FLNC: variants seen among roughly 807,000 people sequenced by gnomAD.
FLNC encodes filamin C, also known as filamin-C.
In FLNC, 91 loss-of-function variants were observed where a neutral mutation model predicts 254.3. The ratio of observed to expected loss-of-function variants is 0.36; its 90% CI spans 0.30 to 0.43. The LOEUF (loss-of-function observed/expected upper bound fraction) is 0.43. FLNC is among the 20% of genes least tolerant of loss of function. FLNC has a pLI of 1.00. For synonymous variants in FLNC, 1,430 were observed against 1,577.2 expected (o/e 0.91, Z 2.21); for missense variants, 2,853 against 3,802.6 (o/e 0.75, Z 6.57).
chr7:128,839,911 G>A (rs955407798), intron 8 of FLNC, 112 bp from the exon 9 acceptor site: 25 of 1,380,376 alleles, frequency 1.8e-5, no homozygotes, highest in Non-Finnish European at 2.2e-5. Context: ...GAGCAGGGCC[G>A]TGGGCCACTG....
chr7:128,850,597 C>A, intron 32 of FLNC, 114 bp downstream of exon 32: 2 of 1,198,364 alleles, frequency 1.7e-6, no homozygotes, highest in Non-Finnish European at 2.5e-6. Context: ...TGAGCTCTAC[C>A]CAGGGTCACA....
intron 30 of FLNC, 104 bp downstream of exon 30, chr7:128,849,682 C>T: frequency 6.9e-7 from 1 of 1,439,674 alleles, no homozygotes; most frequent in Admixed American, 1.7e-5. Context: ...AATCCCACTT[C>T]TCTGAGGGCT....
At chr7:128,853,352 G>A (rs1235451015) in intron 37 of FLNC, 117 bp from the exon 38 acceptor site, 1 of 1,322,748 alleles carries the variant, frequency 7.6e-7, no homozygotes, top group African/African-American at 1.5e-5. Flanking sequence ...ATTTTTGTTA[G>A]TGGTCACTAC....
chr7:128,845,872 AGGG>A, intron 21 of FLNC, 115 bp from the exon 22 acceptor site: 2 of 687,932 alleles, frequency 2.9e-6, no homozygotes, highest in African/African-American at 6.5e-5. Flanking sequence ...GGGTGAGAGG[AGGG>A]GAAGAGGAGG....
At position 128,846,885 on chromosome 7, in the gene FLNC, T is replaced by C. The variant is rs1808590567; in HGVS notation, c.4268T>C (p.Phe1423Ser). The part of the protein sequence containing the change: ...TPGDYDVNIT[F>S]GGRPIPGSPF... ...GGAGACTATGACGTCAACATCACCT[T>C]CGGGGGGCGGCCCATCCCAGGTGTG... is the stretch of plus-strand genomic sequence containing the variant. Residue 1423 changes from phenylalanine to serine, a missense_variant, in exon 24 of 48, where the codon TTC (phenylalanine) becomes TCC (serine). By Grantham distance (155) the Phe-to-Ser change is radical. Around this residue, in one of 10 missense-constraint regions of FLNC, gnomAD observed 1,573 missense variants for 1,883.5 expected, o/e 0.84. Transcript: ENST00000325888. 1 of 1,614,042 alleles carries C rather than the reference T, an allele frequency of 6.2e-7. No individual in the cohort carries two copies. Among genetic ancestry groups the C allele is most frequent in the Admixed American group, 1.7e-5 (1 of 59,996 alleles).
At chr7:128,832,873 C>T (rs1286718831) in intron 1 of FLNC, among the ~76,000 whole-genome samples, 1 of 152,186 alleles carries the variant, frequency 6.6e-6, no homozygotes, top group Non-Finnish European at 1.5e-5. Context: ...AGGGGCTGCC[C>T]ACGAGGCAGG....
Position 128,840,157 on chromosome 7 carries a change from C to T in FLNC, c.1546C>T (p.Pro516Ser). The change falls in exon 9 of 48, where the codon CCA (proline) becomes TCA (serine). Residue 516 changes from proline (P) to serine (S), a missense_variant. Transcript: ENST00000325888. ...SGELKVTVKG[P>S]KGTEEPVKVR... is the part of the protein sequence containing the mutation. ...GGAGCTCAAGGTCACGGTCAAGGGGCCAAGTGAGTGCCAGAGCCCAGGGTC... is the reference window on the plus strand; with the variant it reads ...GGAGCTCAAGGTCACGGTCAAGGGGTCAAGTGAGTGCCAGAGCCCAGGGTC... 6.2e-7 allele frequency: 1 copy of T among 1,613,806 alleles called. No homozygotes were observed. Among genetic ancestry groups the T allele is most frequent in the Non-Finnish European group, 8.5e-7 (1 of 1,180,016 alleles).
At position 128,839,280 on chromosome 7, in the gene FLNC, C is replaced by T. The variant is rs751368551; in HGVS notation, c.1411+477C>T. The stretch of plus-strand genomic sequence containing the variant: ...GCATTCTGTGGCAGGCCCCAGGTTC[C>T]ATGCCGTTGTCTGTGTTCTGTGGCA... On this transcript the variant is annotated intron_variant, in intron 8 of 47. Coordinates refer to ENST00000325888, the MANE Select transcript of FLNC (RefSeq NM_001458.5). Among the ~76,000 whole-genome samples the T allele has an allele frequency of 2.6e-4, 40 of 152,248 alleles. 1 individual carries two copies. The highest frequency in any genetic ancestry group is 4.7e-4 in the Non-Finnish European group (32 of 68,042).
rs756816368 is a variant in FLNC at position 128,842,970 on chromosome 7, G to C, written c.2550+16G>C. On this transcript the variant is annotated intron_variant, in intron 16 of 47. Transcript: ENST00000325888. The surrounding 1 kb of genome is among the most constrained non-coding windows in gnomAD (Gnocchi z 5.4). ...TGCCAACCAGGTACCTAAGCTCCTGGGTACTCACAGCGACATGCACCTGCC... is the reference window on the plus strand; with the variant it reads ...TGCCAACCAGGTACCTAAGCTCCTGCGTACTCACAGCGACATGCACCTGCC... The C allele has an allele frequency of 1.2e-6, 2 of 1,613,430 alleles. No homozygotes were observed. The highest frequency in any genetic ancestry group is 2.7e-5 in the African/African-American group (2 of 74,930).
At chr7:128,840,764 A>T in intron 10 of FLNC, 70 bp from the exon 11 acceptor site, 2 of 1,504,510 alleles carry the variant, frequency 1.3e-6, no homozygotes, top group Non-Finnish European at 1.8e-6. Context: ...TTGAGGGGAG[A>T]TGGAGTTTGG....
intron 1 of FLNC, among the ~76,000 whole-genome samples, chr7:128,833,338 G>T (rs1038260489): frequency 6.6e-6 from 1 of 152,218 alleles, no homozygotes; most frequent in African/African-American, 2.4e-5. Flanking sequence ...GGGTGGCCTC[G>T]GGAACTAGCT....
rs1490743351 is a variant in FLNC, at chr7:128,842,115, G to C, written c.2122-116G>C. ...CTCTGGTGGCCTCAGTGGCTGGTGT[G>C]GGGGCGGGAGTGCCAGTGTTGGGGG... On this transcript the variant is annotated intron_variant, in intron 13 of 47. Coordinates refer to ENST00000325888, the MANE Select transcript of FLNC (RefSeq NM_001458.5). This position sits in a 1 kb window ranked among gnomAD's most constrained non-coding sequence, Gnocchi z 5.4. The C allele has an allele frequency of 1.8e-6, 2 of 1,096,758 alleles. No individual in the cohort carries two copies. Among genetic ancestry groups the C allele is most frequent in the Non-Finnish European group, 1.3e-6 (1 of 743,668 alleles). 67.9% of individuals were successfully genotyped at this position (1,096,758 alleles called of 1,614,324 possible).
At position 128,846,138 on chromosome 7, in the gene FLNC, A is replaced by T; in HGVS notation, c.3939A>T (p.Arg1313=). The T allele has an allele frequency of 6.2e-7, 1 of 1,613,842 alleles. No individual in the cohort carries two copies. Among genetic ancestry groups the T allele is most frequent in the Non-Finnish European group, 8.5e-7 (1 of 1,179,962 alleles). ...CAGACAATGGGGACGGCACCTACCG[A>T]GTGCAGTACACCGCCTACGAGGAGG... ...YVTDNGDGTY[R]VQYTAYEEGV... Residue 1313 remains arginine (R), a synonymous_variant, in exon 22 of 48, where the codon CGA becomes CGT. Coordinates refer to ENST00000325888, the MANE Select transcript of FLNC (RefSeq NM_001458.5).
chr7:128,850,318 G>GGT (rs1397645095), intron 31 of FLNC, 66 bp from the exon 32 acceptor site: 8 of 1,339,094 alleles, frequency 6.0e-6, no homozygotes, highest in Non-Finnish European at 7.5e-6. Context: ...TCCAGCTTCA[G>GGT]TCATAGCATG....
intron 31 of FLNC, 43 bp from the exon 32 acceptor site, chr7:128,850,340 TG>T: frequency 6.6e-7 from 1 of 1,511,582 alleles, no homozygotes; most frequent in Non-Finnish European, 9.2e-7. Context: ...GTCAAACTCC[TG>T]GGCCTTCCCC....
chr7:128,856,611 G>A lies in FLNC; in HGVS notation c.7345G>A (p.Gly2449Arg). 1 of 1,612,898 alleles carries A rather than the reference G, an allele frequency of 6.2e-7. No homozygotes were observed. The highest frequency in any genetic ancestry group is 8.5e-7 in the Non-Finnish European group (1 of 1,180,028). ...VIDARVHTPS[G>R]AVEECYVSEL... is the part of the protein sequence containing the mutation. ...TGATGCCCGGGTGCACACACCCTCG[G>A]GGGCTGTGGAGGAGTGCTACGTCTC... The change falls in exon 44 of 48, where the codon GGG (glycine) becomes AGG (arginine). Residue 2449 changes from glycine to arginine, a missense_variant. Gly to Arg is a moderately radical substitution (Grantham distance 125). This residue lies in a region of FLNC where 47 missense variants were observed against 40.3 expected (regional missense o/e 1.17). Coordinates refer to ENST00000325888, the MANE Select transcript of FLNC (RefSeq NM_001458.5). This position sits in a 1 kb window ranked among gnomAD's most constrained non-coding sequence, Gnocchi z 5.9.
intron 35 of FLNC, 117 bp downstream of exon 35, chr7:128,851,745 AGGTGTGAG>A: frequency 9.7e-7 from 1 of 1,026,712 alleles, no homozygotes; most frequent in Non-Finnish European, 1.5e-6. Context: ...AGGCCCTTCA[AGGTGTGAG>A]GGGTCATATT....
At chr7:128,831,118 A>C in intron 1 of FLNC, 129 bp downstream of exon 1, 1 of 826,922 alleles carries the variant, frequency 1.2e-6, no homozygotes, top group Non-Finnish European at 1.9e-6. Context: ...GTATAGAGAG[A>C]AGACCCTGGC....
At position 128,843,538 on chromosome 7, in the gene FLNC, T is replaced by G. The variant is rs1326134089; in HGVS notation, c.2772T>G (p.His924Gln). 4.3e-6 allele frequency: 7 copies of G among 1,613,918 alleles called. No homozygotes were observed. Among genetic ancestry groups the G allele is most frequent in the South Asian group, 1.1e-5 (1 of 91,090 alleles). ...GGGACTTTGAGATCATAGACAACCA[T>G]GACTACTCCTACACTGTCAAGTACA... ...VVRDFEIIDN[H>Q]DYSYTVKYTA... The change falls in exon 18 of 48, where the codon CAT (histidine) becomes CAG (glutamine). Residue 924 changes from histidine (H) to glutamine (Q), a missense_variant. By Grantham distance (24) the His-to-Gln change is conservative. Coordinates refer to ENST00000325888, the MANE Select transcript of FLNC (RefSeq NM_001458.5).
Sources: gnomAD v4.1 joint callset for allele counts (sites outside exome capture counted in the v4.1 genomes callset) on GRCh38, gnomAD v4.1.1 for gene constraint, gnomAD v4.1.1 regional missense constraint, Gnocchi (gnomAD v3.1) non-coding constraint, MANE v1.5 for transcripts, NCBI Gene and HGNC (gene_info 2026-07-23, HGNC 2026-07-21) for gene names.